MLLT11: variants seen among roughly 807,000 people sequenced by gnomAD.
The protein encoded by MLLT11 is protein AF1q.
MLLT11 carries 1 observed loss-of-function variant against 5.3 expected under a neutral mutation model. The ratio of observed to expected loss-of-function variants is 0.19; its 90% CI spans 0.07 to 0.89. The LOEUF is 0.89. Ranked by LOEUF, MLLT11 falls within the 40% of genes least tolerant of loss-of-function variation. MLLT11 has a pLI of 0.67. For synonymous variants in MLLT11, 38 were observed against 41.7 expected (o/e 0.91, Z 0.34); for missense variants, 87 against 107.3 (o/e 0.81, Z 0.83).
Position 151,067,330 on chromosome 1 carries a change from G to C in MLLT11, c.106G>C (p.Ala36Pro). 6.2e-7 allele frequency: 1 copy of C among 1,614,112 alleles called. No individual in the cohort carries two copies. The highest frequency in any genetic ancestry group is 8.5e-7 in the Non-Finnish European group (1 of 1,180,034). ...GGAAGGCCTGGGTCTGTCAGATACA[G>C]CCACCTACAAGGTCAAAGACAGCAG... The part of the protein sequence containing the change: ...ELEGLGLSDT[A>P]TYKVKDSSVG... Residue 36 changes from alanine to proline, a missense_variant, in exon 2 of 2, where the codon GCC becomes CCC. Coordinates refer to ENST00000368921, the MANE Select transcript of MLLT11 (RefSeq NM_006818.4).
intron 1 of MLLT11, among the ~76,000 whole-genome samples, chr1:151,065,819 T>C (rs1248215848): frequency 6.6e-6 from 1 of 152,110 alleles, no homozygotes; most frequent in African/African-American, 2.4e-5. Context: ...CTCTATAGAC[T>C]TGGAGTTTTT....
At chr1:151,066,224 C>T (rs1409899800) in intron 1 of MLLT11, among the ~76,000 whole-genome samples, 1 of 151,098 alleles carries the variant, frequency 6.6e-6, no homozygotes, top group East Asian at 2.0e-4. Flanking sequence ...TGCAACCTCA[C>T]CCTGCTGGAT....
intron 1 of MLLT11, 146 bp from the exon 2 acceptor site, chr1:151,067,073 A>C (rs1182783604): frequency 4.8e-6 from 3 of 624,958 alleles, no homozygotes; most frequent in Non-Finnish European, 7.8e-6. Flanking sequence ...GTGGGATTGG[A>C]GGATATACAA....
intron 1 of MLLT11, among the ~76,000 whole-genome samples, chr1:151,061,743 T>C (rs1198729559): frequency 6.6e-6 from 1 of 152,204 alleles, no homozygotes; most frequent in Non-Finnish European, 1.5e-5. Context: ...AAAAATGTCA[T>C]TACTACTTAC....
At chr1:151,063,036 G>T (rs1359909949) in intron 1 of MLLT11, among the ~76,000 whole-genome samples, 1 of 152,074 alleles carries the variant, frequency 6.6e-6, no homozygotes, top group Non-Finnish European at 1.5e-5. Flanking sequence ...CTCCTTCTAA[G>T]CAGCTTCTCT....
rs912785682 is a variant in MLLT11 at position 151,068,713 on chromosome 1, T to G, written c.*1216T>G. ...GATCCTCCCACCTCAGGCTCCCAGG[T>G]AGCTGGGATTACAGGCGCCTGCCAC... On this transcript the variant is annotated 3_prime_UTR_variant, in exon 2 of 2. Transcript: ENST00000368921. Among the ~76,000 whole-genome samples, 2 of 152,070 alleles carry G rather than the reference T, an allele frequency of 1.3e-5. No individual in the cohort carries two copies. The highest frequency in any genetic ancestry group is 4.8e-5 in the African/African-American group (2 of 41,408).
At chr1:151,066,712 CAGG>C (rs1239510585) in intron 1 of MLLT11, among the ~76,000 whole-genome samples, 1 of 152,080 alleles carries the variant, frequency 6.6e-6, no homozygotes, top group Non-Finnish European at 1.5e-5. Context: ...ATCACGAGGT[CAGG>C]AGATCGAGAC....
In MLLT11 at chr1:151,067,788, C is replaced by A; in HGVS notation, c.*291C>A. ...CAGAAACTAGGCCTGACTGGGGACA[C>A]CTGAGAGTAGTATAGTAGTGCAAAA... On this transcript the variant is annotated 3_prime_UTR_variant, in exon 2 of 2. Coordinates refer to ENST00000368921, the MANE Select transcript of MLLT11 (RefSeq NM_006818.4). 1 of 471,758 alleles carries A rather than the reference C, an allele frequency of 2.1e-6. No individual in the cohort carries two copies. The highest frequency in any genetic ancestry group is 4.0e-6 in the Non-Finnish European group (1 of 252,546). The allele number at this position is 471,758 out of a possible 1,614,324, so 29.2% of individuals were successfully genotyped here. A position where few individuals can be genotyped will look rare whatever the true frequency, so the allele number is the denominator to read the frequency against.
chr1:151,067,561 C>A lies in MLLT11; in HGVS notation c.*64C>A. 2.7e-6 allele frequency: 4 copies of A among 1,504,746 alleles called. No homozygotes were observed. Among genetic ancestry groups the A allele is most frequent in the Non-Finnish European group, 3.6e-6 (4 of 1,097,822 alleles). The allele number at this position is 1,504,746 out of a possible 1,614,324, so 93.2% of individuals were successfully genotyped here. A position where few individuals can be genotyped will look rare whatever the true frequency, so the allele number is the denominator to read the frequency against. ...TCTTCCCTCTCAAGCCCCTTCCTTT[C>A]CACTCCTTTCCCATTTTAATCTTGT... On this transcript the variant is annotated 3_prime_UTR_variant, in exon 2 of 2. Transcript: ENST00000368921.
rs114261681 is a variant in MLLT11 at position 151,069,131 on chromosome 1, T to C, written c.*1634T>C. Among the ~76,000 whole-genome samples, 495 of 152,310 alleles carry C rather than the reference T, an allele frequency of 3.2e-3. 2 individuals are homozygous for C. The highest frequency in any genetic ancestry group is 8.3e-3 in the South Asian group (40 of 4,832). The stretch of plus-strand genomic sequence containing the variant: ...TAAACGAATTCACTCAAATATGTTA[T>C]CTGCTTAACTTCTGGTTTTTGTGTG... On this transcript the variant is annotated 3_prime_UTR_variant, in exon 2 of 2. Coordinates refer to ENST00000368921, the MANE Select transcript of MLLT11 (RefSeq NM_006818.4).
intron 1 of MLLT11, among the ~76,000 whole-genome samples, chr1:151,063,897 AACTTT>A (rs1242354694): frequency 6.6e-6 from 1 of 152,212 alleles, no homozygotes; most frequent in Non-Finnish European, 1.5e-5. Flanking sequence ...TTCCAATCTG[AACTTT>A]ACTTTAAATC....
At chr1:151,066,752 G>A (rs1365912912) in intron 1 of MLLT11, among the ~76,000 whole-genome samples, 6 of 151,912 alleles carry the variant, frequency 3.9e-5, no homozygotes, top group African/African-American at 1.2e-4. Flanking sequence ...GTGAAACCCC[G>A]TCTCTACTAA....
chr1:151,063,234 C>G (rs901069483), intron 1 of MLLT11, among the ~76,000 whole-genome samples: 1 of 152,104 alleles, frequency 6.6e-6, no homozygotes, highest in African/African-American at 2.4e-5. Flanking sequence ...ACAGTCATTT[C>G]ACATTATACT....
chr1:151,063,594 T>A (rs1286333185), intron 1 of MLLT11, among the ~76,000 whole-genome samples: 8 of 152,062 alleles, frequency 5.3e-5, no homozygotes, highest in Non-Finnish European at 1.5e-5. Context: ...CCCGGCTTAA[T>A]ATTTGTACTT....
chr1:151,067,369 A>G lies in MLLT11; in HGVS notation c.145A>G (p.Ile49Val), dbSNP rs142344417. 6.8e-6 allele frequency: 11 copies of G among 1,614,166 alleles called. No homozygotes were observed. The highest frequency in any genetic ancestry group is 9.3e-6 in the Non-Finnish European group (11 of 1,180,030). Reference protein sequence around the residue: ...KVKDSSVGKMIGQATAADQEK... With the variant: ...KVKDSSVGKMVGQATAADQEK... The stretch of plus-strand genomic sequence containing the variant: ...CAAAGACAGCAGCGTTGGCAAAATG[A>G]TCGGGCAAGCAACTGCAGCAGACCA... The change falls in exon 2 of 2, where the codon ATC (isoleucine) becomes GTC (valine). Residue 49 changes from isoleucine to valine, a missense_variant. Physicochemically the swap from Ile to Val is conservative, Grantham distance 29 (BLOSUM62 3). Transcript: ENST00000368921.
intron 1 of MLLT11, among the ~76,000 whole-genome samples, chr1:151,060,885 A>T (rs1472515851): frequency 6.6e-6 from 1 of 152,116 alleles, no homozygotes; most frequent in Non-Finnish European, 1.5e-5. Context: ...TTTAATTTTT[A>T]GTCCTACTGT....
At position 151,068,823 on chromosome 1, in the gene MLLT11, G is replaced by C. The variant is rs892958253; in HGVS notation, c.*1326G>C. On this transcript the variant is annotated 3_prime_UTR_variant, in exon 2 of 2. Transcript: ENST00000368921. ...TGGTCTCTAACTCCTGACCTCAGGTGATCTGCCCGCCTTAGCCTCTCAAAG... is the reference window on the plus strand; with the variant it reads ...TGGTCTCTAACTCCTGACCTCAGGTCATCTGCCCGCCTTAGCCTCTCAAAG... 4.6e-5 allele frequency among the ~76,000 whole-genome samples: 7 copies of C among 152,200 alleles called. No individual in the cohort carries two copies. Among genetic ancestry groups the C allele is most frequent in the African/African-American group, 1.7e-4 (7 of 41,454 alleles).
chr1:151,061,111 T>G (rs1676400219), intron 1 of MLLT11, among the ~76,000 whole-genome samples: 1 of 152,184 alleles, frequency 6.6e-6, no homozygotes, highest in South Asian at 2.1e-4. Flanking sequence ...GTTGGAGAAC[T>G]GCCTGATTCC....
intron 1 of MLLT11, among the ~76,000 whole-genome samples, chr1:151,065,212 A>G (rs1246651295): frequency 6.6e-6 from 1 of 152,182 alleles, no homozygotes; most frequent in Non-Finnish European, 1.5e-5. Context: ...TTAATGCCAC[A>G]TATGCTTGCA....
Sources: gnomAD v4.1 joint callset for allele counts (sites outside exome capture counted in the v4.1 genomes callset) on GRCh38, gnomAD v4.1.1 for gene constraint, MANE v1.5 for transcripts, NCBI Gene and HGNC (gene_info 2026-07-23, HGNC 2026-07-21) for gene names.